Variants in SAMD5 observed in about 807,000 individuals in gnomAD.
The protein encoded by SAMD5 is sterile alpha motif domain-containing protein 5.
SAMD5 carries 13 observed loss-of-function variants against 11.3 expected under a neutral mutation model. The ratio of observed to expected loss-of-function variants is 1.15; its 90% confidence interval spans 0.75 to 1.83. The LOEUF (loss-of-function observed/expected upper bound fraction) is 1.83. Ranked by LOEUF, SAMD5 falls within the 40% of genes most tolerant of loss-of-function variation. The pLI, the probability that SAMD5 is intolerant of heterozygous loss-of-function variation, is 0.00. For missense variants in SAMD5, 255 were observed against 239.1 expected (o/e 1.07, Z -0.44); for synonymous variants, 129 against 111.3 (o/e 1.16, Z -1.00).
At chr6:147,839,861 A>G in the SAMD5 span, among the ~76,000 whole-genome samples, 1 of 152,214 alleles carries the variant, frequency 6.6e-6, no homozygotes, top group Non-Finnish European at 1.5e-5. Context: ...CTGTGCAGAC[A>G]TTATCTCATT....
the SAMD5 span, among the ~76,000 whole-genome samples, chr6:147,800,589 G>C: frequency 2.0e-5 from 3 of 152,212 alleles, no homozygotes; most frequent in Non-Finnish European, 4.4e-5. Flanking sequence ...AGCTGTGGTG[G>C]GCTCCACCCA....
At chr6:147,549,218 A>C (rs758721841) in intron 1 of SAMD5, among the ~76,000 whole-genome samples, 1 of 152,220 alleles carries the variant, frequency 6.6e-6, no homozygotes, top group African/African-American at 2.4e-5. Context: ...CACCAGTTCA[A>C]ATCATCTTGG....
the SAMD5 span, among the ~76,000 whole-genome samples, chr6:147,920,031 A>T: frequency 6.6e-6 from 1 of 152,226 alleles, no homozygotes; most frequent in Admixed American, 6.5e-5. Flanking sequence ...TGACCTTAAA[A>T]ATCATTTTAG....
At chr6:147,930,404 A>T in the SAMD5 span, among the ~76,000 whole-genome samples, 14,557 of 151,956 alleles carry the variant, frequency 0.096, 926 homozygotes, top group South Asian at 0.15. Flanking sequence ...GCCACTCCTC[A>T]TACCGATTTT....
chr6:147,909,620 C>CTTTT, the SAMD5 span, among the ~76,000 whole-genome samples: 1 of 67,368 alleles, frequency 1.5e-5, no homozygotes, highest in African/African-American at 9.0e-5. Context: ...TTCTTTCTTT[C>CTTTT]TTTCTTTCTT....
chr6:147,862,210 A>G, the SAMD5 span, among the ~76,000 whole-genome samples: 1 of 152,020 alleles, frequency 6.6e-6, no homozygotes, highest in African/African-American at 2.4e-5. Context: ...CCTGGAAATC[A>G]GGTTGAGTGT....
intron 1 of SAMD5, among the ~76,000 whole-genome samples, chr6:147,705,520 C>T (rs571523283): frequency 1.3e-4 from 20 of 151,896 alleles, no homozygotes; most frequent in African/African-American, 3.4e-4. Flanking sequence ...AGATTTCTGC[C>T]GTGTTTCTGA....
chr6:147,538,395 C>T (rs1788546633), intron 1 of SAMD5, among the ~76,000 whole-genome samples: 1 of 152,186 alleles, frequency 6.6e-6, no homozygotes, highest in Non-Finnish European at 1.5e-5. Context: ...AGCCATATTC[C>T]TGTGCCTTTT....
chr6:147,759,289 G>A, the SAMD5 span, among the ~76,000 whole-genome samples: 2 of 152,084 alleles, frequency 1.3e-5, no homozygotes, highest in Admixed American at 1.3e-4. Context: ...CCTCATTACT[G>A]TATTGCGTTA....
intron 1 of SAMD5, among the ~76,000 whole-genome samples, chr6:147,576,581 C>A (rs913045955): frequency 6.6e-6 from 1 of 152,112 alleles, no homozygotes; most frequent in South Asian, 2.1e-4. Context: ...TACCAGGTGG[C>A]CTTCATTAAA....
the SAMD5 span, among the ~76,000 whole-genome samples, chr6:147,853,076 T>C: frequency 6.6e-6 from 1 of 152,212 alleles, no homozygotes; most frequent in Non-Finnish European, 1.5e-5. Context: ...TTTGTTAGAT[T>C]GTACAGATTC....
At chr6:147,659,097 A>T (rs1261751296) in intron 1 of SAMD5, among the ~76,000 whole-genome samples, 1 of 152,220 alleles carries the variant, frequency 6.6e-6, no homozygotes, top group Non-Finnish European at 1.5e-5. Context: ...GCTTTGTAAC[A>T]GAATGGACTG....
the SAMD5 span, among the ~76,000 whole-genome samples, chr6:147,867,008 C>T: frequency 6.6e-6 from 1 of 152,016 alleles, no homozygotes; most frequent in African/African-American, 2.4e-5. Context: ...GGACAAAATG[C>T]TAAATAGCAA....
chr6:147,742,420 TG>T, downstream of SAMD5, among the ~76,000 whole-genome samples: 3 of 152,346 alleles, frequency 2.0e-5, no homozygotes, highest in Non-Finnish European at 2.9e-5. Context: ...GTGACCTGCG[TG>T]TTTTAAGAAA....
chr6:147,889,237 T>G, the SAMD5 span, among the ~76,000 whole-genome samples: 1 of 152,242 alleles, frequency 6.6e-6, no homozygotes, highest in Non-Finnish European at 1.5e-5. Context: ...TTCACTATTT[T>G]TTCTTCTGTC....
Position 147,557,148 on chromosome 6 carries a change from G to A in SAMD5, c.460-7246G>A, listed in dbSNP as rs191178121. Among the ~76,000 whole-genome samples the A allele has an allele frequency of 3.9e-5, 6 of 152,186 alleles. No homozygotes were observed. In the East Asian group the frequency reaches 7.7e-4, roughly 20 times the overall value. On this transcript the variant is annotated intron_variant, in intron 1 of 1. Transcript: ENST00000367474. ...GTTTGCATCATTTATTGAATAGGAA[G>A]AAGTCAAACTTTTTCATTATGACAT...
At chr6:147,734,437 C>A (rs956897958) in intron 1 of SAMD5, among the ~76,000 whole-genome samples, 27 of 152,088 alleles carry the variant, frequency 1.8e-4, no homozygotes, top group African/African-American at 6.5e-4. Context: ...GAGACCCAGA[C>A]CGGGCGTGGT....
At position 147,608,761 on chromosome 6, in the gene SAMD5, A is replaced by G. The variant is rs114854567; in HGVS notation, c.162+99374A>G. On this transcript the variant is annotated intron_variant, in intron 1 of 1. Transcript: ENST00000566741. The stretch of plus-strand genomic sequence containing the variant: ...CACAATCAACTTATGATAGCCAACC[A>G]TAACTTAATTGTACATTTTAAAATA... 4.3e-3 allele frequency among the ~76,000 whole-genome samples: 661 copies of G among 152,326 alleles called. 5 individuals are homozygous for G. Among genetic ancestry groups the G allele is most frequent in the African/African-American group, 0.015 (627 of 41,572 alleles).
chr6:147,602,560 A>G (rs1789637927), intron 1 of SAMD5, among the ~76,000 whole-genome samples: 4 of 152,314 alleles, frequency 2.6e-5, no homozygotes, highest in Middle Eastern at 3.4e-3. Context: ...CCTGGCCAAC[A>G]TGGCAAAACC....
Sources: allele counts gnomAD v4.1 joint callset (sites outside exome capture counted in the v4.1 genomes callset), GRCh38; gene constraint gnomAD v4.1.1; transcripts MANE v1.5; gene names NCBI Gene and HGNC (gene_info 2026-07-23, HGNC 2026-07-21).